CLVS1: variants seen among roughly 807,000 people sequenced by gnomAD.
CLVS1 encodes the protein clavesin 1, also known as clavesin-1.
A neutral mutation model predicts 33.1 loss-of-function variants in CLVS1; 10 were observed. That is an observed-to-expected ratio of 0.30 (90% CI 0.19 to 0.51). The LOEUF (loss-of-function observed/expected upper bound fraction) is 0.51, where lower values mean the gene tolerates loss of function less well. CLVS1 is among the 20% of genes least tolerant of loss of function. The pLI, the probability that CLVS1 is intolerant of heterozygous loss-of-function variation, is 0.97. For missense variants in CLVS1, 343 were observed against 433.4 expected (o/e 0.79, Z 1.85); for synonymous variants, 163 against 166.1 (o/e 0.98, Z 0.14).
intron 3 of CLVS1, among the ~76,000 whole-genome samples, chr8:61,419,289 C>T (rs960285299): frequency 6.7e-6 from 1 of 150,346 alleles, no homozygotes; most frequent in Non-Finnish European, 1.5e-5. Context: ...CCCAGCTACT[C>T]AGGAGGCTGC....
At chr8:61,047,958 A>T in the CLVS1 span, among the ~76,000 whole-genome samples, 4 of 152,016 alleles carry the variant, frequency 2.6e-5, no homozygotes, top group Admixed American at 6.5e-5. Context: ...TAAAATAAAA[A>T]AAATTCATCA....
At chr8:61,179,726 C>T (rs1268153279) in intron 2 of CLVS1, among the ~76,000 whole-genome samples, 1 of 152,164 alleles carries the variant, frequency 6.6e-6, no homozygotes, top group Non-Finnish European at 1.5e-5. Context: ...ATTGAACAAC[C>T]TGCTCCTGAA....
At chr8:61,002,320 C>T in the CLVS1 span, among the ~76,000 whole-genome samples, 2 of 141,264 alleles carry the variant, frequency 1.4e-5, no homozygotes, top group African/African-American at 5.3e-5. Context: ...TTCCTGTATG[C>T]TTGCTTGTTT....
intron 3 of CLVS1, among the ~76,000 whole-genome samples, chr8:61,382,619 G>A (rs778055891): frequency 6.6e-6 from 1 of 152,222 alleles, no homozygotes; most frequent in Non-Finnish European, 1.5e-5. Flanking sequence ...AGTAGAACGT[G>A]ATGGATATCA....
At chr8:61,216,951 A>C (rs899193093) in intron 2 of CLVS1, among the ~76,000 whole-genome samples, 1 of 152,188 alleles carries the variant, frequency 6.6e-6, no homozygotes, top group African/African-American at 2.4e-5. Flanking sequence ...GCACAGATTT[A>C]AGCATTTTTA....
intron 2 of CLVS1, chr8:61,203,351 G>A: frequency 1.7e-6 from 1 of 584,818 alleles, no homozygotes; most frequent in Non-Finnish European, 3.1e-6. Flanking sequence ...GATAAATGTT[G>A]TCCAGGTTCT....
chr8:61,353,694 A>G (rs1466287191), intron 2 of CLVS1, among the ~76,000 whole-genome samples: 2 of 151,554 alleles, frequency 1.3e-5, no homozygotes, highest in Non-Finnish European at 2.9e-5. Context: ...GGAAGAATGA[A>G]ACAAAATAAA....
chr8:61,075,440 G>C (rs893517229), intron 1 of CLVS1, among the ~76,000 whole-genome samples: 1 of 152,138 alleles, frequency 6.6e-6, no homozygotes, highest in Non-Finnish European at 1.5e-5. Context: ...GGCTGAAAGG[G>C]GAGGATCTGA....
intron 2 of CLVS1, among the ~76,000 whole-genome samples, chr8:61,166,465 CTTAT>C (rs901716987): frequency 6.7e-4 from 102 of 151,980 alleles, no homozygotes; most frequent in Non-Finnish European, 1.1e-3. Flanking sequence ...GTCTCATGTG[CTTAT>C]TTGTTTCAGC....
At chr8:61,064,487 A>G (rs1804638955) in intron 1 of CLVS1, among the ~76,000 whole-genome samples, 1 of 150,064 alleles carries the variant, frequency 6.7e-6, no homozygotes, top group Non-Finnish European at 1.5e-5. Context: ...TGTGCTTCTC[A>G]GCTATCTGAG....
intron 3 of CLVS1, among the ~76,000 whole-genome samples, chr8:61,400,531 T>C (rs1483663041): frequency 6.6e-6 from 1 of 152,222 alleles, no homozygotes; most frequent in East Asian, 1.9e-4. Flanking sequence ...TATTTCTTTC[T>C]CTTGCCTGAT....
rs1377114337 is a variant in CLVS1 at position 61,187,818 on chromosome 8, TG to T, written c.-152+55959del. On this transcript the variant is annotated intron_variant, in intron 2 of 2. Coordinates refer to the CLVS1 transcript ENST00000522621. ...ATCTTATACATAGATTATATATAATTGATTATATATGTATACATACATGTAC... is the reference window on the plus strand; with the variant it reads ...ATCTTATACATAGATTATATATAATTATTATATATGTATACATACATGTAC... Among the ~76,000 whole-genome samples, 9 of 149,900 alleles carry T rather than the reference TG, an allele frequency of 6.0e-5. 1 individual carries two copies. In the East Asian group the frequency reaches 1.7e-3, roughly 29 times the overall value.
At chr8:61,414,468 A>G (rs1313587244) in intron 3 of CLVS1, among the ~76,000 whole-genome samples, 2 of 151,520 alleles carry the variant, frequency 1.3e-5, no homozygotes, top group Non-Finnish European at 2.9e-5. Flanking sequence ...AGATTTTTTA[A>G]TGGCACAAAG....
At position 61,406,622 on chromosome 8, in the gene CLVS1, G is replaced by A. The variant is rs561946752; in HGVS notation, c.630+29843G>A. Among the ~76,000 whole-genome samples, 14 of 151,862 alleles carry A rather than the reference G, an allele frequency of 9.2e-5. No individual in the cohort carries two copies. The East Asian group carries it at 2.7e-3, about 29-fold the overall frequency. ...GACATAGATTTGTTTTTTTTGTGGG[G>A]GGGGGGATGGAGTCTTGCTCTGTCA... On this transcript the variant is annotated intron_variant, in intron 3 of 5. Coordinates refer to ENST00000325897, the MANE Select transcript of CLVS1 (RefSeq NM_173519.3).
chr8:60,984,652 C>T, the CLVS1 span, among the ~76,000 whole-genome samples: 1 of 152,162 alleles, frequency 6.6e-6, no homozygotes, highest in African/African-American at 2.4e-5. Flanking sequence ...CTATTCACAC[C>T]ATTAAAAATG....
intron 1 of CLVS1, among the ~76,000 whole-genome samples, chr8:61,085,898 C>CG (rs1161171148): frequency 6.6e-6 from 1 of 151,240 alleles, no homozygotes; most frequent in East Asian, 1.9e-4. Flanking sequence ...GTGGCGGGCG[C>CG]GTTGGCGGGC....
intron 3 of CLVS1, among the ~76,000 whole-genome samples, chr8:61,396,291 TC>T: frequency 6.6e-6 from 1 of 152,284 alleles, no homozygotes; most frequent in Middle Eastern, 3.4e-3. Context: ...ATACACCATT[TC>T]CTTTTACTGT....
Position 61,202,747 on chromosome 8 carries a change from G to A in CLVS1, c.-152+70887G>A, listed in dbSNP as rs1230606126. ...GTCAGAAGATGAAGAGGAGGAGGAT[G>A]TGAAACTCTTAAGTATATCTGGAAA... On this transcript the variant is annotated intron_variant, in intron 2 of 2. Coordinates refer to the CLVS1 transcript ENST00000522621. The A allele has an allele frequency of 2.5e-6, 4 of 1,575,532 alleles. No individual in the cohort carries two copies. The East Asian group carries it at 6.7e-5, about 26-fold the overall frequency.
rs1172561558 is a variant in CLVS1, at chr8:61,500,789, T to TTTTAG, written c.*1250_*1254dup. ...TGGTGCTCAAAGTCAAACAAAAATA[T>TTTTAG]TTTAGTTAATAATGGGCAGTAAAAT... On this transcript the variant is annotated 3_prime_UTR_variant, in exon 6 of 6. Transcript: ENST00000325897. The TTTTAG allele has an allele frequency of 6.6e-6, 1 of 152,204 alleles. No individual in the cohort carries two copies. The highest frequency in any genetic ancestry group is 1.5e-5 in the Non-Finnish European group (1 of 68,040). The allele number at this position is 152,204 out of a possible 1,614,324, so 9.4% of individuals were successfully genotyped here. A position where few individuals can be genotyped will look rare whatever the true frequency, so the allele number is the denominator to read the frequency against.
Sources: allele counts gnomAD v4.1 joint callset (sites outside exome capture counted in the v4.1 genomes callset), GRCh38; gene constraint gnomAD v4.1.1; transcripts MANE v1.5; gene names NCBI Gene and HGNC (gene_info 2026-07-23, HGNC 2026-07-21).